PALD1: variants seen among roughly 807,000 people sequenced by gnomAD.
The protein encoded by PALD1 is phosphatase domain containing paladin 1.
In PALD1, 57 loss-of-function variants were observed where a neutral mutation model predicts 96.0. The ratio of observed to expected loss-of-function variants is 0.59; its 90% CI spans 0.48 to 0.74. PALD1 has a LOEUF of 0.74. Among genes scored for constraint, PALD1 ranks in the 30% least tolerant of loss-of-function variants. The probability of loss-of-function intolerance (pLI) is 0.00; values close to 1 mark genes in which losing one functional copy is unlikely to be tolerated. For missense variants in PALD1, 1,063 were observed against 1,143.7 expected (o/e 0.93, Z 1.02); for synonymous variants, 464 against 473.6 (o/e 0.98, Z 0.26).
chr10:70,519,322 T>C (rs1846680272), intron 1 of PALD1, among the ~76,000 whole-genome samples: 1 of 152,158 alleles, frequency 6.6e-6, no homozygotes, highest in African/African-American at 2.4e-5. Context: ...AATTTATGTT[T>C]CATGGTTCTA....
chr10:70,542,969 C>T (rs575677332), intron 17 of PALD1, among the ~76,000 whole-genome samples: 1 of 151,890 alleles, frequency 6.6e-6, no homozygotes, highest in South Asian at 2.1e-4. Flanking sequence ...GATGGGAGTT[C>T]ACCGTGTTGG....
the PALD1 span, among the ~76,000 whole-genome samples, chr10:70,473,253 G>A: frequency 6.6e-6 from 1 of 152,182 alleles, no homozygotes; most frequent in Admixed American, 6.5e-5. Context: ...GGAAACACAG[G>A]GCTCTGAAAT....
Position 70,533,041 on chromosome 10 carries a change from C to G in PALD1, c.841C>G (p.Gln281Glu). Residue 281 changes from glutamine (Q) to glutamate (E), a missense_variant, in exon 7 of 20, where the codon CAG becomes GAG. By Grantham distance (29) the Gln-to-Glu change is conservative. Transcript: ENST00000263563. ...CGAGCAAGGGAGTCCCCTGGAGGCCCAGTTGGACGCCTTTGTCAGTGTTCT... is the reference window on the plus strand; with the variant it reads ...CGAGCAAGGGAGTCCCCTGGAGGCCGAGTTGGACGCCTTTGTCAGTGTTCT... ...LPEQGSPLEA[Q>E]LDAFVSVLRE... is the part of the protein sequence containing the mutation. The G allele has an allele frequency of 6.3e-7, 1 of 1,585,390 alleles. No individual in the cohort carries two copies. The highest frequency in any genetic ancestry group is 8.6e-7 in the Non-Finnish European group (1 of 1,165,254).
chr10:70,568,115 G>A lies in PALD1; in HGVS notation c.*1382G>A, dbSNP rs985485627. On this transcript the variant is annotated 3_prime_UTR_variant, in exon 20 of 20. Transcript: ENST00000263563. ...ACCCCCTTGGCTGAATTCTTTTGCA[G>A]AACTACTGTGTGTCTGTTCACTACC... 2 of 152,250 alleles carry A rather than the reference G, an allele frequency of 1.3e-5. No individual in the cohort carries two copies. The highest frequency in any genetic ancestry group is 4.8e-5 in the African/African-American group (2 of 41,462). 9.4% of individuals were successfully genotyped at this position (152,250 alleles called of 1,614,324 possible). A position where few individuals can be genotyped will look rare whatever the true frequency, so the allele number is the denominator to read the frequency against.
chr10:70,501,863 G>T (rs1173854553), intron 1 of PALD1, among the ~76,000 whole-genome samples: 5 of 136,538 alleles, frequency 3.7e-5, no homozygotes, highest in Non-Finnish European at 8.0e-5. Context: ...CTGTGTTCAT[G>T]CACATTTGTA....
the PALD1 span, among the ~76,000 whole-genome samples, chr10:70,464,620 C>G: frequency 1.7e-5 from 2 of 117,500 alleles, no homozygotes; most frequent in Admixed American, 2.5e-4. Context: ...TAAAACTGTA[C>G]CTCCTTTTTT....
the PALD1 span, among the ~76,000 whole-genome samples, chr10:70,472,052 C>G: frequency 1.3e-5 from 2 of 152,196 alleles, no homozygotes; most frequent in Non-Finnish European, 2.9e-5. Context: ...CCTCCAAGTG[C>G]CCACTAGCCC....
chr10:70,544,083 CTG>C (rs1224003009), intron 17 of PALD1, among the ~76,000 whole-genome samples: 1 of 152,176 alleles, frequency 6.6e-6, no homozygotes, highest in African/African-American at 2.4e-5. Flanking sequence ...AGCCCACAGT[CTG>C]TTGGGGAGAA....
At chr10:70,493,389 CTCTGCGG>C (rs1846131146) in intron 1 of PALD1, among the ~76,000 whole-genome samples, 3 of 152,244 alleles carry the variant, frequency 2.0e-5, no homozygotes, top group African/African-American at 7.2e-5. Flanking sequence ...ACAGCCTGGG[CTCTGCGG>C]ACAGTGATGT....
the PALD1 span, among the ~76,000 whole-genome samples, chr10:70,469,948 C>T: frequency 1.2e-3 from 190 of 152,206 alleles, 2 homozygotes; most frequent in South Asian, 0.017. Context: ...CGCCCGCCAC[C>T]GTGCCTGGTT....
intron 18 of PALD1, among the ~76,000 whole-genome samples, chr10:70,559,633 C>T (rs1008226262): frequency 6.6e-6 from 1 of 152,070 alleles, no homozygotes; most frequent in African/African-American, 2.4e-5. Flanking sequence ...AGTGAGGTTT[C>T]CTGACTGACT....
chr10:70,494,249 C>T (rs535833256), intron 1 of PALD1, among the ~76,000 whole-genome samples: 357 of 152,350 alleles, frequency 2.3e-3, no homozygotes, highest in African/African-American at 8.3e-3. Context: ...CTCTTCCCTG[C>T]ATCTCCTTGT....
the PALD1 span, among the ~76,000 whole-genome samples, chr10:70,459,655 C>A: frequency 6.6e-6 from 1 of 152,222 alleles, no homozygotes; most frequent in East Asian, 1.9e-4. Context: ...TTAGGCAGAG[C>A]CCCCGCCTTG....
intron 1 of PALD1, among the ~76,000 whole-genome samples, chr10:70,502,007 T>C (rs1201209489): frequency 6.6e-6 from 1 of 152,120 alleles, no homozygotes; most frequent in Non-Finnish European, 1.5e-5. Flanking sequence ...AAGTTTGACA[T>C]CCATAAAAGA....
chr10:70,487,018 G>A (rs572755016), intron 1 of PALD1, among the ~76,000 whole-genome samples: 1 of 152,228 alleles, frequency 6.6e-6, no homozygotes, highest in African/African-American at 2.4e-5. Context: ...GCCCTTTGGG[G>A]AGCCCTCTGG....
intron 1 of PALD1, among the ~76,000 whole-genome samples, chr10:70,521,191 CAG>C (rs1270076736): frequency 1.3e-5 from 2 of 152,066 alleles, no homozygotes; most frequent in Non-Finnish European, 2.9e-5. Context: ...CCTCGTCAGG[CAG>C]AGAGTGGAGT....
chr10:70,463,137 G>A, the PALD1 span, among the ~76,000 whole-genome samples: 2 of 152,212 alleles, frequency 1.3e-5, no homozygotes, highest in Non-Finnish European at 2.9e-5. Flanking sequence ...GGTCATGGTG[G>A]CTCACGCCTG....
At chr10:70,505,975 C>G (rs554162873) in intron 1 of PALD1, among the ~76,000 whole-genome samples, 1 of 151,878 alleles carries the variant, frequency 6.6e-6, no homozygotes, top group Non-Finnish European at 1.5e-5. Context: ...GAACCGTGAT[C>G]GTGCCACTGC....
Position 70,534,832 on chromosome 10 carries a change from A to T in PALD1, c.1216A>T (p.Ser406Cys). The T allele has an allele frequency of 3.7e-6, 6 of 1,608,986 alleles. No individual in the cohort carries two copies. Among genetic ancestry groups the T allele is most frequent in the Non-Finnish European group, 5.1e-6 (6 of 1,176,602 alleles). ...QKKLEGIRPE[S>C]PAQGSGSRHS... ...GAAGTTAGAAGGTATCCGACCGGAG[A>T]GCCCAGCCCAGGTGAGGCATGGAAG... The change falls in exon 10 of 20, where the codon AGC (serine) becomes TGC (cysteine). Residue 406 changes from serine to cysteine, a missense_variant. Physicochemically the swap from Ser to Cys is moderately radical, Grantham distance 112. Transcript: ENST00000263563.
Sources: gnomAD v4.1 joint callset for allele counts (sites outside exome capture counted in the v4.1 genomes callset) on GRCh38, gnomAD v4.1.1 for gene constraint, MANE v1.5 for transcripts, NCBI Gene and HGNC (gene_info 2026-07-23, HGNC 2026-07-21) for gene names.